The following ADAMTS12 variants were observed in gnomAD, a reference collection of about 807,000 sequenced individuals.
The protein encoded by ADAMTS12 is A disintegrin and metalloproteinase with thrombospondin motifs 12.
In ADAMTS12, 118 loss-of-function variants were observed where a neutral mutation model predicts 167.8. That is an observed-to-expected ratio of 0.70 (90% confidence interval 0.61 to 0.82). The LOEUF (loss-of-function observed/expected upper bound fraction) is 0.82, where lower values mean the gene tolerates loss of function less well. Among genes scored for constraint, ADAMTS12 ranks in the 40% least tolerant of loss-of-function variants. The pLI is 0.00. For synonymous variants in ADAMTS12, 704 were observed against 716.9 expected, an observed-to-expected ratio of 0.98 and a Z score of 0.29; for missense variants, 1,916 against 1,998.8, an observed-to-expected ratio of 0.96 and a Z score of 0.79.
chr5:33,791,441 A>G (rs1561274083), intron 2 of ADAMTS12, among the ~76,000 whole-genome samples: 1 of 152,222 alleles, frequency 6.6e-6, no homozygotes, highest in Non-Finnish European at 1.5e-5. Context: ...TTATACATAT[A>G]TCCTTGCTGT....
At chr5:33,820,850 C>T (rs1047777006) in intron 2 of ADAMTS12, among the ~76,000 whole-genome samples, 3 of 152,092 alleles carry the variant, frequency 2.0e-5, no homozygotes, top group African/African-American at 7.2e-5. Context: ...AGGCTGTTAT[C>T]CTTAGCAAAG....
chr5:33,808,719 T>C (rs562466471), intron 2 of ADAMTS12, among the ~76,000 whole-genome samples: 1 of 152,188 alleles, frequency 6.6e-6, no homozygotes, highest in African/African-American at 2.4e-5. Flanking sequence ...AATGTTTTTC[T>C]TATTAGGTCA....
chr5:33,763,120 G>A lies in ADAMTS12; in HGVS notation c.490-11572C>T, dbSNP rs1745413862. Among the ~76,000 whole-genome samples, 3 of 152,198 alleles carry A rather than the reference G, an allele frequency of 2.0e-5. No homozygotes were observed. The South Asian group carries it at 6.2e-4, about 32-fold the overall frequency. ...TCAGAATTTGTAAAGCAAGCCTGGT[G>A]TGGTAGGCTGAATATAGTCCCCCAA... On this transcript the variant is annotated intron_variant, in intron 2 of 23. Coordinates refer to ENST00000504830, the MANE Select transcript of ADAMTS12 (RefSeq NM_030955.4).
At chr5:33,741,216 A>G (rs758285404) in intron 3 of ADAMTS12, among the ~76,000 whole-genome samples, 1 of 152,202 alleles carries the variant, frequency 6.6e-6, no homozygotes, top group Non-Finnish European at 1.5e-5. Flanking sequence ...CTGCCATGAC[A>G]AAGTGCCACA....
chr5:33,850,040 C>T (rs910770110), intron 2 of ADAMTS12, among the ~76,000 whole-genome samples: 1 of 151,986 alleles, frequency 6.6e-6, no homozygotes, highest in African/African-American at 2.4e-5. Flanking sequence ...ACCTGCTAAA[C>T]GTATTATAAA....
intron 13 of ADAMTS12, among the ~76,000 whole-genome samples, chr5:33,625,303 TAA>T (rs397944314): frequency 6.8e-6 from 1 of 146,668 alleles, no homozygotes; most frequent in African/African-American, 2.5e-5. Flanking sequence ...CTAAGAGATT[TAA>T]AAAAAAAAAC....
rs757981903 is a variant in ADAMTS12, at chr5:33,561,027, C to T, written c.4125G>A (p.Lys1375=). ...CAGWKVGNWS[K]CSRNCSGGFK... ...GACTCTGCCAAGCCTGATAAGTTACCTTGCTCCAGTTTCCCACTTTCCAGC... is the reference window on the plus strand; with the variant it reads ...GACTCTGCCAAGCCTGATAAGTTACTTTGCTCCAGTTTCCCACTTTCCAGC... Residue 1375 remains lysine (K), a splice_region_variant and synonymous_variant, in exon 20 of 24, where the codon AAG becomes AAA. Coordinates refer to ENST00000504830, the MANE Select transcript of ADAMTS12 (RefSeq NM_030955.4). 18 of 1,613,914 alleles carry T rather than the reference C, an allele frequency of 1.1e-5. No homozygotes were observed. The highest frequency in any genetic ancestry group is 2.7e-5 in the African/African-American group (2 of 74,886).
intron 12 of ADAMTS12, among the ~76,000 whole-genome samples, chr5:33,636,712 A>T (rs993476052): frequency 5.9e-5 from 9 of 152,156 alleles, no homozygotes; most frequent in Non-Finnish European, 1.3e-4. Flanking sequence ...TTGATTAGCT[A>T]TTTTTTACTA....
At chr5:33,740,135 A>G (rs2112369501) in intron 3 of ADAMTS12, among the ~76,000 whole-genome samples, 1 of 152,340 alleles carries the variant, frequency 6.6e-6, no homozygotes, top group Admixed American at 6.5e-5. Context: ...TGGTACCAGA[A>G]CATAATTCTC....
At chr5:33,844,245 G>C (rs1748858356) in intron 2 of ADAMTS12, among the ~76,000 whole-genome samples, 1 of 152,148 alleles carries the variant, frequency 6.6e-6, no homozygotes, top group Non-Finnish European at 1.5e-5. Flanking sequence ...CTTGAAAAAA[G>C]AACAGGATAA....
rs187358787 is a variant in ADAMTS12 at position 33,611,100 on chromosome 5, A to G, written c.2527+3138T>C. Reference sequence around the variant, plus strand: ...ATCAATGTGGATTTACCTCAAAAGCATAATGTTGAGGGAAAAAAAAGACAA... The same window carrying G: ...ATCAATGTGGATTTACCTCAAAAGCGTAATGTTGAGGGAAAAAAAAGACAA... On this transcript the variant is annotated intron_variant, in intron 16 of 23. Transcript: ENST00000504830. Among the ~76,000 whole-genome samples, 511 of 152,312 alleles carry G rather than the reference A, an allele frequency of 3.4e-3. 3 individuals are homozygous for G. Among genetic ancestry groups the G allele is most frequent in the Middle Eastern group, 6.8e-3 (2 of 294 alleles).
At chr5:33,535,646 A>G (rs1016707078) in intron 22 of ADAMTS12, among the ~76,000 whole-genome samples, 2 of 152,218 alleles carry the variant, frequency 1.3e-5, no homozygotes, top group African/African-American at 4.8e-5. Flanking sequence ...TCATGAGTAT[A>G]TGGAGTGAAA....
At chr5:33,579,859 A>C (rs1746967090) in intron 18 of ADAMTS12, among the ~76,000 whole-genome samples, 2 of 152,238 alleles carry the variant, frequency 1.3e-5, no homozygotes, top group South Asian at 4.1e-4. Flanking sequence ...TAATAATAAT[A>C]GTGATCATAA....
rs187694828 is a variant in ADAMTS12 at position 33,583,844 on chromosome 5, C to A, written c.2865+4755G>T. Among the ~76,000 whole-genome samples the A allele has an allele frequency of 1.9e-3, 282 of 152,096 alleles. 4 individuals are homozygous for A. Among genetic ancestry groups the A allele is most frequent in the Admixed American group, 1.5e-3 (23 of 15,268 alleles). On this transcript the variant is annotated intron_variant, in intron 18 of 23. Transcript: ENST00000504830. Reference sequence around the variant, plus strand: ...TGTGAAAGGCTTTATTTTTTTCCTGCGCTTTTGAAGTTATTCACTGAGGGT... The same window carrying A: ...TGTGAAAGGCTTTATTTTTTTCCTGAGCTTTTGAAGTTATTCACTGAGGGT...
chr5:33,881,519 T>C lies in ADAMTS12; in HGVS notation c.128-39A>G, dbSNP rs146663308. On this transcript the variant is annotated intron_variant, in intron 1 of 23. Coordinates refer to ENST00000504830, the MANE Select transcript of ADAMTS12 (RefSeq NM_030955.4). ...AGAAATGGAAGAACAGTGAGGGAGA[T>C]TGGTAGTAAAGCAAAGCCACTTTCG... 5.4e-5 allele frequency: 85 copies of C among 1,584,266 alleles called. 1 individual carries two copies. The highest frequency in any genetic ancestry group is 3.8e-4 in the South Asian group (34 of 88,656).
intron 22 of ADAMTS12, among the ~76,000 whole-genome samples, chr5:33,537,579 T>G (rs1744480607): frequency 1.3e-5 from 2 of 152,258 alleles, no homozygotes; most frequent in African/African-American, 4.8e-5. Context: ...AATGAAGTTG[T>G]ACTCTTGGAT....
intron 19 of ADAMTS12, among the ~76,000 whole-genome samples, chr5:33,570,546 T>G (rs1746272583): frequency 6.6e-6 from 1 of 152,098 alleles, no homozygotes; most frequent in Non-Finnish European, 1.5e-5. Flanking sequence ...AAGCAAATGC[T>G]GAGAGATTTT....
chr5:33,607,660 T>C (rs1017142227), intron 16 of ADAMTS12, among the ~76,000 whole-genome samples: 6 of 152,196 alleles, frequency 3.9e-5, no homozygotes, highest in African/African-American at 1.4e-4. Flanking sequence ...TGTTTTTCCA[T>C]TTTTTGTGTG....
intron 5 of ADAMTS12, among the ~76,000 whole-genome samples, chr5:33,671,104 A>C (rs935407272): frequency 3.9e-5 from 6 of 152,238 alleles, no homozygotes; most frequent in Admixed American, 3.3e-4. Context: ...TTGAAATGAC[A>C]AAAATCATAC....
Sources: allele counts gnomAD v4.1 joint callset (sites outside exome capture counted in the v4.1 genomes callset), GRCh38; gene constraint gnomAD v4.1.1; transcripts MANE v1.5; gene names NCBI Gene and HGNC (gene_info 2026-07-23, HGNC 2026-07-21).